The following LRMDA variants were observed in gnomAD, a reference collection of about 807,000 sequenced individuals.
LRMDA encodes the protein leucine-rich melanocyte differentiation-associated protein.
LRMDA carries 18 observed loss-of-function variants against 29.8 expected under a neutral mutation model. The ratio of observed to expected loss-of-function variants is 0.60; its 90% CI spans 0.42 to 0.90. The LOEUF is 0.90. Ranked by LOEUF, LRMDA falls within the 40% of genes least tolerant of loss-of-function variation. The pLI is 0.00. For synonymous variants in LRMDA, 125 were observed against 109.4 expected (o/e 1.14, Z -0.89); for missense variants, 273 against 273.9 (o/e 1.00, Z 0.02).
At chr10:75,591,907 A>G (rs1840728323) in intron 2 of LRMDA, among the ~76,000 whole-genome samples, 2 of 152,038 alleles carry the variant, frequency 1.3e-5, no homozygotes, top group Admixed American at 1.3e-4. Flanking sequence ...ATAAATGAGA[A>G]TCTCAGGTGA....
chr10:75,965,832 G>T (rs994297357), intron 2 of LRMDA, among the ~76,000 whole-genome samples: 2 of 152,314 alleles, frequency 1.3e-5, no homozygotes, highest in African/African-American at 4.8e-5. Flanking sequence ...TTGTACCTGA[G>T]CTATGGTGCC....
intron 6 of LRMDA, among the ~76,000 whole-genome samples, chr10:76,471,325 C>T (rs1842615581): frequency 6.6e-6 from 1 of 151,526 alleles, no homozygotes; most frequent in African/African-American, 2.4e-5. Flanking sequence ...TGGAACAGAG[C>T]TATATAGGTG....
At chr10:76,102,305 GT>G (rs1415599688) in intron 5 of LRMDA, among the ~76,000 whole-genome samples, 24 of 152,096 alleles carry the variant, frequency 1.6e-4, no homozygotes, top group Non-Finnish European at 1.2e-4. Context: ...AAACCGCGTT[GT>G]TGTGGGGTTT....
chr10:76,128,902 G>A (rs1432366231), intron 5 of LRMDA, among the ~76,000 whole-genome samples: 1 of 152,160 alleles, frequency 6.6e-6, no homozygotes, highest in African/African-American at 2.4e-5. Context: ...TCCAAGGAGC[G>A]TCTACCTTAT....
At chr10:75,799,400 A>G (rs1418153744) in intron 2 of LRMDA, among the ~76,000 whole-genome samples, 1 of 151,818 alleles carries the variant, frequency 6.6e-6, no homozygotes, top group Non-Finnish European at 1.5e-5. Context: ...TTTGCAGCCT[A>G]TATATGTTTT....
intron 5 of LRMDA, among the ~76,000 whole-genome samples, chr10:76,211,947 C>T (rs573172646): frequency 5.9e-5 from 9 of 152,180 alleles, no homozygotes; most frequent in South Asian, 4.2e-4. Context: ...TTTTGGTGGC[C>T]GGCTCAAGTT....
chr10:75,716,006 A>G (rs984610911), intron 2 of LRMDA, among the ~76,000 whole-genome samples: 10 of 152,344 alleles, frequency 6.6e-5, no homozygotes, highest in East Asian at 1.9e-4. Context: ...GTTAGAATCT[A>G]TCAGTGCTAG....
At chr10:75,641,403 A>G (rs1193157833) in intron 2 of LRMDA, among the ~76,000 whole-genome samples, 1 of 91,806 alleles carries the variant, frequency 1.1e-5, no homozygotes, top group African/African-American at 2.6e-5. Flanking sequence ...GGATATGTTA[A>G]TATATAATAT....
chr10:76,146,564 T>G (rs559954197), intron 5 of LRMDA, among the ~76,000 whole-genome samples: 2 of 152,192 alleles, frequency 1.3e-5, no homozygotes, highest in Non-Finnish European at 2.9e-5. Flanking sequence ...CTCCATCCCT[T>G]TATTTTGAGC....
intron 2 of LRMDA, among the ~76,000 whole-genome samples, chr10:75,704,250 A>G (rs1361124576): frequency 6.6e-6 from 1 of 152,250 alleles, no homozygotes; most frequent in African/African-American, 2.4e-5. Context: ...CAGTTCAACA[A>G]TAACCACCTT....
intron 2 of LRMDA, among the ~76,000 whole-genome samples, chr10:75,983,415 G>T (rs1166734311): frequency 1.3e-5 from 2 of 152,156 alleles, no homozygotes. Flanking sequence ...TGTGGCGGGG[G>T]TTCTGTGAGG....
chr10:76,291,896 AT>A (rs1188272265), intron 5 of LRMDA, among the ~76,000 whole-genome samples: 1 of 147,162 alleles, frequency 6.8e-6, no homozygotes, highest in East Asian at 2.1e-4. Context: ...TACAGATTAT[AT>A]ATACACCCAC....
At chr10:76,161,031 C>A (rs1231155662) in intron 5 of LRMDA, among the ~76,000 whole-genome samples, 1 of 151,830 alleles carries the variant, frequency 6.6e-6, no homozygotes, top group Non-Finnish European at 1.5e-5. Flanking sequence ...TCCCGAGAAA[C>A]GGTTGCGATA....
At chr10:76,051,311 C>T (rs940114309) in intron 4 of LRMDA, among the ~76,000 whole-genome samples, 2 of 152,230 alleles carry the variant, frequency 1.3e-5, no homozygotes, top group Admixed American at 6.5e-5. Flanking sequence ...GAGTAATTGC[C>T]GGTTACTCTC....
At chr10:76,422,012 G>A (rs929141058) in intron 6 of LRMDA, among the ~76,000 whole-genome samples, 3 of 152,126 alleles carry the variant, frequency 2.0e-5, no homozygotes, top group African/African-American at 7.2e-5. Flanking sequence ...GGGAAACTGG[G>A]CTGCAGACTT....
intron 6 of LRMDA, among the ~76,000 whole-genome samples, chr10:76,507,224 T>C (rs1842968149): frequency 6.6e-6 from 1 of 151,774 alleles, no homozygotes. Flanking sequence ...TTCATATACC[T>C]ATTGGCCATT....
At chr10:76,270,510 T>G (rs1478798274) in intron 5 of LRMDA, 1 of 152,384 alleles carries the variant, frequency 6.6e-6, no homozygotes, top group Non-Finnish European at 1.5e-5. Flanking sequence ...TTGGCAGACC[T>G]CAAGGCGTGC....
intron 5 of LRMDA, among the ~76,000 whole-genome samples, chr10:76,119,050 T>C (rs1849718952): frequency 6.6e-6 from 1 of 152,152 alleles, no homozygotes; most frequent in Non-Finnish European, 1.5e-5. Context: ...CTTTTGCTCC[T>C]TATTTTATCT....
At chr10:75,848,201 T>C (rs1181190945) in intron 2 of LRMDA, among the ~76,000 whole-genome samples, 1 of 152,154 alleles carries the variant, frequency 6.6e-6, no homozygotes, top group African/African-American at 2.4e-5. Flanking sequence ...GAAAATGTGG[T>C]ATGAAATGTT....
Sources: allele counts gnomAD v4.1 joint callset (sites outside exome capture counted in the v4.1 genomes callset), GRCh38; gene constraint gnomAD v4.1.1; transcripts MANE v1.5; gene names NCBI Gene and HGNC (gene_info 2026-07-23, HGNC 2026-07-21).